CFAP54: variants seen among roughly 807,000 people sequenced by gnomAD.
The protein encoded by CFAP54 is cilia and flagella associated protein 54.
CFAP54 carries 290 observed loss-of-function variants against 370.4 expected under a neutral mutation model. The observed-to-expected ratio is 0.78, with a 90% CI of 0.71 to 0.86. CFAP54 has a LOEUF of 0.86. Among genes scored for constraint, CFAP54 ranks in the 40% least tolerant of loss-of-function variants. The probability of loss-of-function intolerance (pLI) is 0.00; values close to 1 mark genes in which losing one functional copy is unlikely to be tolerated. For synonymous variants in CFAP54, 1,206 were observed against 1,236.5 expected, an observed-to-expected ratio of 0.98 and a Z score of 0.52; for missense variants, 3,399 against 3,528.7, an observed-to-expected ratio of 0.96 and a Z score of 0.93.
At chr12:96,650,540 C>A (rs1469205902) in intron 35 of CFAP54, among the ~76,000 whole-genome samples, 1 of 152,174 alleles carries the variant, frequency 6.6e-6, no homozygotes, top group Non-Finnish European at 1.5e-5. Context: ...CTTCCCATCA[C>A]TTCCATGTTC....
At chr12:96,759,213 CT>C (rs1592746285) in intron 58 of CFAP54, among the ~76,000 whole-genome samples, 2 of 151,282 alleles carry the variant, frequency 1.3e-5, no homozygotes, top group Non-Finnish European at 2.9e-5. Flanking sequence ...AATGGCCCCT[CT>C]TTTTTTAATC....
intron 50 of CFAP54, among the ~76,000 whole-genome samples, chr12:96,739,125 C>G (rs1008939523): frequency 6.6e-6 from 1 of 151,918 alleles, no homozygotes; most frequent in Non-Finnish European, 1.5e-5. Context: ...TCAAGTGGAG[C>G]TGTTAAGTGG....
At chr12:96,861,461 C>G (rs1959878121) in intron 67 of CFAP54, among the ~76,000 whole-genome samples, 1 of 152,094 alleles carries the variant, frequency 6.6e-6, no homozygotes, top group Non-Finnish European at 1.5e-5. Context: ...TCAATTAAAC[C>G]CCGACATGTG....
chr12:96,664,734 T>G (rs1335517522), intron 39 of CFAP54, among the ~76,000 whole-genome samples: 16 of 26,448 alleles, frequency 6.0e-4, no homozygotes, highest in African/African-American at 2.4e-3. Flanking sequence ...TCTATATATA[T>G]ATATCTATAT....
intron 66 of CFAP54, among the ~76,000 whole-genome samples, chr12:96,851,280 A>G (rs1214085887): frequency 6.6e-6 from 1 of 152,108 alleles, no homozygotes; most frequent in Non-Finnish European, 1.5e-5. Flanking sequence ...TTTCGAAGGT[A>G]GTGGCTTTTT....
chr12:96,699,950 A>T (rs1172028398), intron 45 of CFAP54, 21 bp from the exon 46 acceptor site: 1 of 1,532,978 alleles, frequency 6.5e-7, no homozygotes, highest in Admixed American at 2.1e-5. Context: ...TAAGTACCTC[A>T]TTATTTCCTT....
chr12:96,861,305 A>G (rs1336334416), intron 67 of CFAP54, among the ~76,000 whole-genome samples: 1 of 152,186 alleles, frequency 6.6e-6, no homozygotes, highest in Non-Finnish European at 1.5e-5. Flanking sequence ...GTGACATTTG[A>G]CAGTGTCTGG....
intron 48 of CFAP54, among the ~76,000 whole-genome samples, chr12:96,709,386 G>C (rs926726423): frequency 1.6e-4 from 24 of 152,150 alleles, no homozygotes; most frequent in Admixed American, 8.5e-4. Context: ...TGGGATTTAT[G>C]GGCCACAGGG....
At chr12:96,535,028 GTGTGTGTGTGTGTGTGTGTGTGTGTTTA>G (rs1160356256) in intron 11 of CFAP54, among the ~76,000 whole-genome samples, 2 of 149,922 alleles carry the variant, frequency 1.3e-5, no homozygotes, top group African/African-American at 5.0e-5. Flanking sequence ...GTGTGTGTGT[GTGTGTGTGTGTGTGTGTGTGTGTGTTTA>G]TTTATTTATT....
chr12:96,725,848 C>T (rs1957826128), intron 50 of CFAP54, among the ~76,000 whole-genome samples: 1 of 151,370 alleles, frequency 6.6e-6, no homozygotes, highest in African/African-American at 2.4e-5. Context: ...GAGATATGTC[C>T]CATCAATACC....
intron 48 of CFAP54, among the ~76,000 whole-genome samples, chr12:96,712,675 T>C (rs1165080426): frequency 1.3e-5 from 2 of 152,122 alleles, no homozygotes; most frequent in African/African-American, 4.8e-5. Context: ...TCATCCCTTC[T>C]TCCCATCTCC....
chr12:96,824,271 A>G (rs1028621540), intron 65 of CFAP54, among the ~76,000 whole-genome samples: 1 of 152,120 alleles, frequency 6.6e-6, no homozygotes, highest in Admixed American at 6.6e-5. Flanking sequence ...ATTTCAGAAC[A>G]TGTGTATGCG....
intron 26 of CFAP54, among the ~76,000 whole-genome samples, chr12:96,611,963 A>C (rs1956363161): frequency 6.6e-6 from 1 of 152,188 alleles, no homozygotes; most frequent in Non-Finnish European, 1.5e-5. Context: ...AGGTTGGAAA[A>C]CACTCTGCAG....
intron 60 of CFAP54, among the ~76,000 whole-genome samples, chr12:96,778,881 G>A (rs1454006318): frequency 1.3e-5 from 2 of 152,122 alleles, no homozygotes; most frequent in Non-Finnish European, 2.9e-5. Context: ...TCTGAGGTGG[G>A]TGGATCACCT....
intron 26 of CFAP54, among the ~76,000 whole-genome samples, chr12:96,616,263 C>CA (rs1288172348): frequency 6.6e-6 from 1 of 151,298 alleles, no homozygotes; most frequent in Admixed American, 6.6e-5. Context: ...ATCCCAAAGA[C>CA]AAAAAACCAA....
At chr12:96,541,869 C>T (rs1955577896) in intron 14 of CFAP54, among the ~76,000 whole-genome samples, 1 of 151,528 alleles carries the variant, frequency 6.6e-6, no homozygotes, top group South Asian at 2.1e-4. Context: ...TATCATCTTC[C>T]TCTTTTTGCT....
intron 24 of CFAP54, among the ~76,000 whole-genome samples, chr12:96,593,427 C>T (rs1367800664): frequency 1.3e-5 from 2 of 151,996 alleles, no homozygotes; most frequent in African/African-American, 4.8e-5. Flanking sequence ...ATGCCAGTTT[C>T]TGGGGATATA....
chr12:96,710,718 G>A (rs1592719996), intron 48 of CFAP54, among the ~76,000 whole-genome samples: 1 of 151,610 alleles, frequency 6.6e-6, no homozygotes, highest in Non-Finnish European at 1.5e-5. Flanking sequence ...GGAGTGCAAT[G>A]GTGTCATCTA....
Position 96,658,217 on chromosome 12 carries a change from G to C in CFAP54, c.5331G>C (p.Arg1777Ser), listed in dbSNP as rs776742958. The stretch of plus-strand genomic sequence containing the variant: ...ATTCTTTACCCCTGTCTAGTGAGAG[G>C]TATACAGAACAAGTGACACCACTTC... ...AIQFNTVSHE[R>S]YTEQVTPLLV... Residue 1777 changes from arginine to serine, a missense_variant, in exon 38 of 68, where the codon AGG (arginine) becomes AGC (serine). Physicochemically the swap from Arg to Ser is moderately radical, Grantham distance 110 (BLOSUM62 -1). This residue lies in a region of CFAP54 where 2,796 missense variants were observed against 2,869.7 expected (regional missense o/e 0.97). Transcript: ENST00000524981. 4.3e-6 allele frequency: 7 copies of C among 1,613,896 alleles called. No homozygotes were observed. The highest frequency in any genetic ancestry group is 5.9e-6 in the Non-Finnish European group (7 of 1,179,944).
Sources: allele counts gnomAD v4.1 joint callset (sites outside exome capture counted in the v4.1 genomes callset), GRCh38; gene constraint gnomAD v4.1.1; regional missense constraint gnomAD v4.1.1; transcripts MANE v1.5; gene names NCBI Gene and HGNC (gene_info 2026-07-23, HGNC 2026-07-21).